MYO1D: variants seen among roughly 807,000 people sequenced by gnomAD.
The protein encoded by MYO1D is unconventional myosin-Id.
Under a neutral mutation model 122.0 loss-of-function variants are expected in MYO1D, and 83 were observed. The ratio of observed to expected loss-of-function variants is 0.68; its 90% CI spans 0.57 to 0.82. The LOEUF (loss-of-function observed/expected upper bound fraction) is 0.82. Ranked by LOEUF, MYO1D falls within the 40% of genes least tolerant of loss-of-function variation. The pLI, the probability that MYO1D is intolerant of heterozygous loss-of-function variation, is 0.00. For missense variants in MYO1D, 1,157 were observed against 1,269.5 expected (o/e 0.91, Z 1.35); for synonymous variants, 464 against 446.9 (o/e 1.04, Z -0.48).
intron 21 of MYO1D, among the ~76,000 whole-genome samples, chr17:32,572,224 T>G (rs1277911247): frequency 2.0e-5 from 3 of 150,706 alleles, no homozygotes; most frequent in Admixed American, 1.3e-4. Context: ...TTCCAGCACT[T>G]TTACTCCCCC....
chr17:32,605,270 T>C, intron 20 of MYO1D, 29 bp from the exon 21 acceptor site: 1 of 1,536,104 alleles, frequency 6.5e-7, no homozygotes, highest in Non-Finnish European at 8.9e-7. Flanking sequence ...TGGAAAACTA[T>C]TTGGATCATT....
intron 1 of MYO1D, among the ~76,000 whole-genome samples, chr17:32,847,164 T>A (rs2090945951): frequency 6.6e-6 from 1 of 152,196 alleles, no homozygotes; most frequent in South Asian, 2.1e-4. Flanking sequence ...AAAATCCTAA[T>A]TTGGGAATTC....
At chr17:32,727,724 G>T (rs2089593405) in intron 14 of MYO1D, 1 of 151,942 alleles carries the variant, frequency 6.6e-6, no homozygotes, top group African/African-American at 2.4e-5. Context: ...AAAAGTAAAT[G>T]AACTAAATGA....
intron 1 of MYO1D, among the ~76,000 whole-genome samples, chr17:32,819,329 G>C (rs2270433): frequency 0.41 from 62,042 of 151,810 alleles, 12,992 homozygotes; most frequent in East Asian, 0.53. Flanking sequence ...TTCTGGGGTA[G>C]AAATCACTGG....
At chr17:32,797,034 G>A (rs1253822444) in intron 1 of MYO1D, among the ~76,000 whole-genome samples, 1 of 151,758 alleles carries the variant, frequency 6.6e-6, no homozygotes, top group South Asian at 2.1e-4. Context: ...ACAGTGGTGC[G>A]ATCTCAGCTC....
rs1297680564 is a variant in MYO1D at position 32,738,378 on chromosome 17, G to T, written c.1621C>A (p.Pro541Thr). The T allele has an allele frequency of 6.3e-7, 1 of 1,584,446 alleles. No individual in the cohort carries two copies. Among genetic ancestry groups the T allele is most frequent in the Admixed American group, 1.8e-5 (1 of 55,400 alleles). ...TCAGGCCACATATTCTTGAGCACAG[G>T]ATTTGAACTGAGAAGCACAGAAAAA... ...FKRLMYNSSN[P>T]VLKNMWPEGK... The change falls in exon 14 of 22, where the codon CCT (proline) becomes ACT (threonine). Residue 541 changes from proline (P) to threonine (T), a missense_variant. Physicochemically the swap from Pro to Thr is conservative, Grantham distance 38. Transcript: ENST00000318217.
chr17:32,637,020 T>A (rs1424019862), intron 20 of MYO1D, among the ~76,000 whole-genome samples: 2 of 152,212 alleles, frequency 1.3e-5, no homozygotes, highest in Non-Finnish European at 2.9e-5. Flanking sequence ...TATGATGTCA[T>A]GATATTATTA....
At chr17:32,798,560 T>C (rs1567647529) in intron 1 of MYO1D, among the ~76,000 whole-genome samples, 1 of 152,190 alleles carries the variant, frequency 6.6e-6, no homozygotes, top group Non-Finnish European at 1.5e-5. Context: ...GCTAATCTGG[T>C]AATACTGTAA....
chr17:32,768,323 G>A (rs746362028), intron 6 of MYO1D, among the ~76,000 whole-genome samples: 8 of 152,276 alleles, frequency 5.3e-5, no homozygotes, highest in South Asian at 2.1e-4. Context: ...CACTTGATAC[G>A]CATTTCACAA....
intron 21 of MYO1D, among the ~76,000 whole-genome samples, chr17:32,507,953 A>G (rs1201346290): frequency 1.4e-5 from 2 of 147,936 alleles, no homozygotes; most frequent in Non-Finnish European, 3.0e-5. Context: ...CTAGAGGGCA[A>G]TGGCGCGATC....
intron 21 of MYO1D, chr17:32,498,407 G>T (rs1325159822): frequency 6.6e-6 from 1 of 152,282 alleles, no homozygotes; most frequent in Non-Finnish European, 1.5e-5. Flanking sequence ...TTCTGTCCTG[G>T]CCTTGCCATG....
At chr17:32,840,291 T>C (rs965097527) in intron 1 of MYO1D, among the ~76,000 whole-genome samples, 1 of 152,228 alleles carries the variant, frequency 6.6e-6, no homozygotes. Context: ...GGGTATCTCA[T>C]ACGACCCAAG....
At chr17:32,615,242 G>C (rs1199533433) in intron 20 of MYO1D, among the ~76,000 whole-genome samples, 2 of 152,182 alleles carry the variant, frequency 1.3e-5, no homozygotes, top group East Asian at 3.9e-4. Context: ...AGACTGTTGG[G>C]GGAATCATGG....
chr17:32,737,063 A>T (rs963947918), intron 14 of MYO1D, among the ~76,000 whole-genome samples: 3 of 152,244 alleles, frequency 2.0e-5, no homozygotes, highest in Non-Finnish European at 2.9e-5. Flanking sequence ...CATTTGCCTA[A>T]TTTATCTATA....
At chr17:32,718,983 C>A in intron 15 of MYO1D, among the ~76,000 whole-genome samples, 1 of 152,318 alleles carries the variant, frequency 6.6e-6, no homozygotes, top group East Asian at 1.9e-4. Context: ...TGCCTAGATA[C>A]TTAGTAGGCA....
intron 1 of MYO1D, among the ~76,000 whole-genome samples, chr17:32,801,653 T>C (rs1258347665): frequency 1.3e-5 from 2 of 152,212 alleles, no homozygotes; most frequent in East Asian, 3.8e-4. Context: ...TAAATATCAA[T>C]ATGGTACCTG....
chr17:32,521,700 A>C, intron 21 of MYO1D, among the ~76,000 whole-genome samples: 1 of 152,096 alleles, frequency 6.6e-6, no homozygotes, highest in Non-Finnish European at 1.5e-5. Context: ...CCATAATCTC[A>C]GCACTTTGGG....
At chr17:32,624,701 C>T (rs2909517) in intron 20 of MYO1D, among the ~76,000 whole-genome samples, 23,579 of 151,650 alleles carry the variant, frequency 0.16, 2,136 homozygotes, top group South Asian at 0.33. Context: ...AAAAGTATAA[C>T]GTGGCAGCTC....
chr17:32,813,823 T>C (rs1216462814), intron 1 of MYO1D, among the ~76,000 whole-genome samples: 1 of 152,118 alleles, frequency 6.6e-6, no homozygotes, highest in Non-Finnish European at 1.5e-5. Context: ...TAGAGCATGG[T>C]GGTAGTCACA....
Sources: gnomAD v4.1 joint callset for allele counts (sites outside exome capture counted in the v4.1 genomes callset) on GRCh38, gnomAD v4.1.1 for gene constraint, MANE v1.5 for transcripts, NCBI Gene and HGNC (gene_info 2026-07-23, HGNC 2026-07-21) for gene names.